Variants in SDK2 observed in about 807,000 individuals in gnomAD.
SDK2 encodes the protein sidekick cell adhesion molecule 2.
In SDK2, 105 loss-of-function variants were observed where a neutral mutation model predicts 253.9. The observed-to-expected ratio is 0.41, with a 90% CI of 0.35 to 0.49. The LOEUF is 0.49. Ranked by LOEUF, SDK2 falls within the 20% of genes least tolerant of loss-of-function variation. SDK2 has a pLI of 0.06. For synonymous variants in SDK2, 1,249 were observed against 1,234.9 expected (o/e 1.01, Z -0.24); for missense variants, 2,608 against 3,003.0 (o/e 0.87, Z 3.07).
At chr17:73,397,446 G>A (rs576801703) in intron 24 of SDK2, among the ~76,000 whole-genome samples, 2 of 152,204 alleles carry the variant, frequency 1.3e-5, no homozygotes, top group Non-Finnish European at 1.5e-5. Flanking sequence ...GAACTTGGGC[G>A]AGTGATCTGA....
intron 9 of SDK2, 116 bp from the exon 10 acceptor site, chr17:73,433,964 G>C: frequency 1.5e-6 from 1 of 661,950 alleles, no homozygotes; most frequent in South Asian, 2.0e-5. Context: ...CCCTGCCATG[G>C]TGAGGGGCCC....
intron 1 of SDK2, among the ~76,000 whole-genome samples, chr17:73,578,424 A>G (rs1043661302): frequency 2.6e-5 from 4 of 152,150 alleles, no homozygotes; most frequent in African/African-American, 7.2e-5. Flanking sequence ...CCCAAACTGT[A>G]AGATAACAAA....
chr17:73,531,000 C>T (rs1567825937), intron 1 of SDK2, among the ~76,000 whole-genome samples: 1 of 152,144 alleles, frequency 6.6e-6, no homozygotes, highest in South Asian at 2.1e-4. Context: ...CCCTGGTTTC[C>T]ACCACCTTCT....
chr17:73,350,668 C>A lies in SDK2; in HGVS notation c.5881G>T (p.Ala1961Ser). ...CACTCACCCGAGTCTGTCTTCTTGG[C>A]GTACTTCTTGCTCTGGCCCCGGATG... ...LIIRGQSKKY[A>S]KKTDSGNSAK... The change falls in exon 42 of 45, where the codon GCC becomes TCC. Residue 1961 changes from alanine to serine, a missense_variant. By Grantham distance (99) the Ala-to-Ser change is moderately conservative. Around this residue, in one of 2 missense-constraint regions of SDK2, gnomAD observed 1,103 missense variants for 1,143.9 expected, o/e 0.96. Coordinates refer to ENST00000392650, the MANE Select transcript of SDK2 (RefSeq NM_001144952.2). The A allele has an allele frequency of 1.2e-6, 2 of 1,612,068 alleles. No homozygotes were observed. Among genetic ancestry groups the A allele is most frequent in the Non-Finnish European group, 1.7e-6 (2 of 1,179,190 alleles).
chr17:73,438,188 A>G, intron 6 of SDK2, 34 bp from the exon 7 acceptor site: 1 of 1,531,082 alleles, frequency 6.5e-7, no homozygotes, highest in Non-Finnish European at 8.8e-7. Context: ...GTGTTCAGCC[A>G]TGAGGACTCC....
intron 31 of SDK2, 142 bp from the exon 32 acceptor site, chr17:73,386,059 T>C: frequency 1.7e-6 from 1 of 597,168 alleles, no homozygotes; most frequent in Admixed American, 3.0e-5. Context: ...GCCCGATTTC[T>C]GCAGAACAAA....
chr17:73,640,927 T>C (rs1249016870), intron 1 of SDK2: 1 of 152,256 alleles, frequency 6.6e-6, no homozygotes, highest in Non-Finnish European at 1.5e-5. Context: ...CCTCCAGCAG[T>C]AATCAAGCTT....
rs138802757 is a variant in SDK2, at chr17:73,365,297, C to T, written c.5266G>A (p.Gly1756Ser). 8.3e-5 allele frequency: 134 copies of T among 1,613,254 alleles called. No homozygotes were observed. The African/African-American group carries it at 1.5e-3, about 18-fold the overall frequency. ...CAGGGCTCGTACACCAGCCTGTAGC[C>T]CTCCAGGATGCCATTGGGGAACTGC... Reference protein sequence around the residue: ...APQFPNGILEGYRLVYEPCSP... With the variant: ...APQFPNGILESYRLVYEPCSP... The change falls in exon 38 of 45, where the codon GGC becomes AGC. Residue 1756 changes from glycine to serine, a missense_variant. Physicochemically the swap from Gly to Ser is moderately conservative, Grantham distance 56. This residue lies in a region of SDK2 where 1,103 missense variants were observed against 1,143.9 expected (regional missense o/e 0.96). Coordinates refer to ENST00000392650, the MANE Select transcript of SDK2 (RefSeq NM_001144952.2).
In SDK2 at chr17:73,401,916, G is replaced by A. The variant is rs774865150; in HGVS notation, c.2680+30C>T. On this transcript the variant is annotated intron_variant, in intron 19 of 44. Transcript: ENST00000392650. ...CCAGCCTGGCCTTGGGCGGGGGGGG[G>A]CAGAAAGAGCAGGGCTGGGGGGTGC... 8 of 1,517,492 alleles carry A rather than the reference G, an allele frequency of 5.3e-6. No individual in the cohort carries two copies. In the Admixed American group the frequency reaches 9.3e-5, roughly 18 times the overall value. The allele number at this position is 1,517,492 out of a possible 1,614,324, so 94.0% of individuals were successfully genotyped here. A position where few individuals can be genotyped will look rare whatever the true frequency, so the allele number is the denominator to read the frequency against.
At position 73,539,241 on chromosome 17, in the gene SDK2, A is replaced by G. The variant is rs76858041; in HGVS notation, c.65-31644T>C. Reference sequence around the variant, plus strand: ...CTTGAAATGTGTTTGGCCATCACTCACTGGACAGGCTGAGCAGGCCCCTTA... The same window carrying G: ...CTTGAAATGTGTTTGGCCATCACTCGCTGGACAGGCTGAGCAGGCCCCTTA... On this transcript the variant is annotated intron_variant, in intron 1 of 44. Coordinates refer to ENST00000392650, the MANE Select transcript of SDK2 (RefSeq NM_001144952.2). 3.3e-3 allele frequency among the ~76,000 whole-genome samples: 503 copies of G among 152,300 alleles called. 5 individuals are homozygous for G. Among genetic ancestry groups the G allele is most frequent in the East Asian group, 0.021 (111 of 5,180 alleles).
In SDK2 at chr17:73,422,316, C is replaced by G; in HGVS notation, c.2016G>C (p.Gly672=). 1.2e-6 allele frequency: 2 copies of G among 1,613,968 alleles called. No homozygotes were observed. Among genetic ancestry groups the G allele is most frequent in the Non-Finnish European group, 1.7e-6 (2 of 1,179,882 alleles). ...CGGTGTCTTTGCTGAACTGTCCTTTCCCCACGTCGTTGACGGCACAAAGAC... is the reference window on the plus strand; with the variant it reads ...CGGTGTCTTTGCTGAACTGTCCTTTGCCCACGTCGTTGACGGCACAAAGAC... ...QFRLCAVNDV[G]KGQFSKDTER... is the part of the protein sequence containing the mutation. The change falls in exon 15 of 45, where the codon GGG becomes GGC. Residue 672 remains glycine, a synonymous_variant. Coordinates refer to ENST00000392650, the MANE Select transcript of SDK2 (RefSeq NM_001144952.2).
intron 27 of SDK2, among the ~76,000 whole-genome samples, chr17:73,392,264 T>C (rs1013413895): frequency 1.4e-5 from 2 of 142,878 alleles, no homozygotes; most frequent in Non-Finnish European, 3.0e-5. Context: ...ATGTCTGAGA[T>C]TTCCAAACTT....
intron 8 of SDK2, 45 bp downstream of exon 8, chr17:73,437,694 A>T: frequency 6.8e-7 from 1 of 1,474,782 alleles, no homozygotes; most frequent in Non-Finnish European, 9.5e-7. Flanking sequence ...GGAGAGGCTG[A>T]AGATCTGGGG....
intron 1 of SDK2, among the ~76,000 whole-genome samples, chr17:73,522,216 C>T (rs562727780): frequency 2.6e-5 from 4 of 152,322 alleles, no homozygotes; most frequent in South Asian, 2.1e-4. Flanking sequence ...TTTGCTTTGG[C>T]GGAGCTCCAG....
In SDK2 at chr17:73,437,533, G is replaced by A. The variant is rs7216879; in HGVS notation, c.1000+206C>T. Reference sequence around the variant, plus strand: ...GGTTCATTTGTAACCCTCAAGTTTTGGTACCGTAAAGGTTGATTTCCAGCC... The same window carrying A: ...GGTTCATTTGTAACCCTCAAGTTTTAGTACCGTAAAGGTTGATTTCCAGCC... On this transcript the variant is annotated intron_variant, in intron 8 of 44. Coordinates refer to ENST00000392650, the MANE Select transcript of SDK2 (RefSeq NM_001144952.2). Among the ~76,000 whole-genome samples, 1,290 of 152,200 alleles carry A rather than the reference G, an allele frequency of 8.5e-3. 21 individuals carry two copies. The highest frequency in any genetic ancestry group is 0.029 in the African/African-American group (1,225 of 41,528).
chr17:73,372,745 AAAAC>A (rs950389478), intron 36 of SDK2, among the ~76,000 whole-genome samples: 11 of 152,172 alleles, frequency 7.2e-5, no homozygotes, highest in East Asian at 1.9e-4. Context: ...TGTCTCGAAA[AAAAC>A]AAACAAACAA....
chr17:73,522,143 G>A (rs554062551), intron 1 of SDK2, among the ~76,000 whole-genome samples: 2 of 146,084 alleles, frequency 1.4e-5, no homozygotes, highest in South Asian at 2.1e-4. Flanking sequence ...CCACAAGGCC[G>A]GTGTCATCAA....
intron 1 of SDK2, among the ~76,000 whole-genome samples, chr17:73,576,177 T>G (rs1258011367): frequency 6.6e-6 from 1 of 151,954 alleles, no homozygotes; most frequent in Admixed American, 6.6e-5. Flanking sequence ...ATCATGAGGA[T>G]GGGTGTCCCA....
Position 73,408,064 on chromosome 17 carries a change from TC to T in SDK2, c.2485-5924del, listed in dbSNP as rs150121924. Among the ~76,000 whole-genome samples, 313 of 131,278 alleles carry T rather than the reference TC, an allele frequency of 2.4e-3. 45 individuals are homozygous for T. Among genetic ancestry groups the T allele is most frequent in the African/African-American group, 2.9e-3 (111 of 37,758 alleles). The allele number at this position is 131,278 out of a possible 152,430, so 86.1% of individuals were successfully genotyped here. A position where few individuals can be genotyped will look rare whatever the true frequency, so the allele number is the denominator to read the frequency against. ...AATATTTCCTTTTTTTTTTTTTTTT[TC>T]TTTTGAGACAGAGTCTGGCTCTGTC... is the stretch of plus-strand genomic sequence containing the variant. On this transcript the variant is annotated intron_variant, in intron 18 of 44. Coordinates refer to ENST00000392650, the MANE Select transcript of SDK2 (RefSeq NM_001144952.2).
Sources: allele counts gnomAD v4.1 joint callset (sites outside exome capture counted in the v4.1 genomes callset), GRCh38; gene constraint gnomAD v4.1.1; regional missense constraint gnomAD v4.1.1; transcripts MANE v1.5; gene names NCBI Gene and HGNC (gene_info 2026-07-23, HGNC 2026-07-21).